MYO7B: variants seen among roughly 807,000 people sequenced by gnomAD.
MYO7B encodes the protein myosin VIIB, also known as unconventional myosin-VIIb.
A neutral mutation model predicts 259.7 loss-of-function variants in MYO7B; 212 were observed. The ratio of observed to expected loss-of-function variants is 0.82; its 90% CI spans 0.73 to 0.91. The LOEUF (loss-of-function observed/expected upper bound fraction) is 0.91. MYO7B is among the 40% of genes least tolerant of loss of function. MYO7B has a pLI of 0.00. For missense variants in MYO7B, 2,732 were observed against 2,813.5 expected (o/e 0.97, Z 0.66); for synonymous variants, 1,197 against 1,166.4 (o/e 1.03, Z -0.54).
chr2:127,617,791 C>T (rs1018326675), intron 26 of MYO7B, among the ~76,000 whole-genome samples: 4 of 150,898 alleles, frequency 2.7e-5, no homozygotes, highest in East Asian at 3.9e-4. Context: ...CGTGAGCCAC[C>T]GCGCCCGGCC....
At chr2:127,623,436 G>A in intron 29 of MYO7B, 61 bp downstream of exon 29, 1 of 1,460,768 alleles carries the variant, frequency 6.8e-7, no homozygotes, top group Non-Finnish European at 9.0e-7. Context: ...AGAGCACCCT[G>A]AGGCTCAAGC....
intron 21 of MYO7B, among the ~76,000 whole-genome samples, chr2:127,608,313 A>G (rs1680235834): frequency 6.6e-6 from 1 of 152,186 alleles, no homozygotes. Context: ...TGACTTCGTT[A>G]CTGCAGCCCC....
intron 1 of MYO7B, among the ~76,000 whole-genome samples, chr2:127,558,337 C>CA (rs1677913621): frequency 1.3e-5 from 2 of 152,104 alleles, no homozygotes; most frequent in South Asian, 4.2e-4. Context: ...ATTAAAAAAT[C>CA]AAAAAATAAA....
chr2:127,587,942 C>T (rs918826823), intron 14 of MYO7B, among the ~76,000 whole-genome samples: 1 of 152,144 alleles, frequency 6.6e-6, no homozygotes, highest in South Asian at 2.1e-4. Context: ...TACTTTAATC[C>T]CCTCCTTAAA....
intron 1 of MYO7B, among the ~76,000 whole-genome samples, chr2:127,542,346 C>T (rs1177158423): frequency 6.6e-6 from 1 of 152,208 alleles, no homozygotes; most frequent in Non-Finnish European, 1.5e-5. Flanking sequence ...CTGACAACCC[C>T]AGCACCACTG....
intron 5 of MYO7B, among the ~76,000 whole-genome samples, chr2:127,569,295 T>G (rs553355266): frequency 4.6e-5 from 7 of 151,966 alleles, no homozygotes; most frequent in Admixed American, 3.9e-4. Flanking sequence ...GAAACAAAAT[T>G]GGCCGGGAGT....
At chr2:127,596,993 C>T (rs900057704) in intron 19 of MYO7B, among the ~76,000 whole-genome samples, 78 of 152,336 alleles carry the variant, frequency 5.1e-4, no homozygotes, top group African/African-American at 1.9e-3. Context: ...CTGCCTTGCC[C>T]CACCCTCACC....
chr2:127,570,457 CA>C (rs1356232226), intron 6 of MYO7B, among the ~76,000 whole-genome samples: 1 of 152,214 alleles, frequency 6.6e-6, no homozygotes, highest in Non-Finnish European at 1.5e-5. Context: ...AGCTCTGGAG[CA>C]AACTGCTCCT....
chr2:127,594,960 T>C (rs2104985499), intron 18 of MYO7B, among the ~76,000 whole-genome samples: 1 of 152,308 alleles, frequency 6.6e-6, no homozygotes, highest in South Asian at 2.1e-4. Context: ...TATGCCAGGT[T>C]TTGGTATCAG....
At chr2:127,579,592 T>TTG (rs1679021052) in intron 9 of MYO7B, among the ~76,000 whole-genome samples, 1 of 151,806 alleles carries the variant, frequency 6.6e-6, no homozygotes. Context: ...GTTTGTTTGT[T>TTG]TGTTTGTTTT....
Position 127,637,372 on chromosome 2 carries a change from G to A in MYO7B, c.6384G>A (p.Met2128Ile), listed in dbSNP as rs1451863420. 2 of 1,587,546 alleles carry A rather than the reference G, an allele frequency of 1.3e-6. No homozygotes were observed. The highest frequency in any genetic ancestry group is 1.8e-5 in the Admixed American group (1 of 56,654). Residue 2128 changes from methionine (M) to isoleucine (I), a missense_variant, in exon 48 of 48, where the codon ATG (methionine) becomes ATA (isoleucine). By Grantham distance (10) the Met-to-Ile change is conservative. This residue lies in a region of MYO7B where 821 missense variants were observed against 769.3 expected (regional missense o/e 1.07). Coordinates refer to ENST00000409816, the MANE Select transcript of MYO7B (RefSeq NM_001393586.1). ...ATGTGCAGCAGCTCCTGAGTGCCAT[G>A]AACAAGCAGCGGGGCTCCAAGGCCC... The part of the protein sequence containing the change: ...TSYVQQLLSA[M>I]NKQRGSKAPA...
In MYO7B at chr2:127,586,133, C is replaced by T. The variant is rs1398706642; in HGVS notation, c.1690+1220C>T. ...ATATCTAAGAGTCCAGGGTCAAATA[C>T]AAAGTCATGAAGATTTATCCCTATG... On this transcript the variant is annotated intron_variant, in intron 14 of 47. Coordinates refer to ENST00000409816, the MANE Select transcript of MYO7B (RefSeq NM_001393586.1). The surrounding 1 kb of genome is among the most constrained non-coding windows in gnomAD (Gnocchi z 4.8). Among the ~76,000 whole-genome samples the T allele has an allele frequency of 6.6e-6, 1 of 152,176 alleles. No homozygotes were observed. The highest frequency in any genetic ancestry group is 2.4e-5 in the African/African-American group (1 of 41,432).
intron 16 of MYO7B, among the ~76,000 whole-genome samples, chr2:127,592,052 C>T (rs1482255157): frequency 6.6e-6 from 1 of 152,204 alleles, no homozygotes; most frequent in Non-Finnish European, 1.5e-5. Context: ...CAAGTGCCTG[C>T]GGGGCAGCTT....
intron 30 of MYO7B, 22 bp from the exon 31 acceptor site, chr2:127,625,346 G>T: frequency 6.6e-7 from 1 of 1,505,064 alleles, no homozygotes; most frequent in Non-Finnish European, 8.9e-7. Flanking sequence ...ACTCGCCCCC[G>T]TGGGTGCCCT....
Position 127,635,919 on chromosome 2 carries a change from G to A in MYO7B, c.6006+12G>A. Reference sequence around the variant, plus strand: ...AGGAGTGGAAAAAGGTCCCTGGTCGGGCTGGGGAAGGGTTCTTGTGCTGCT... The same window carrying A: ...AGGAGTGGAAAAAGGTCCCTGGTCGAGCTGGGGAAGGGTTCTTGTGCTGCT... On this transcript the variant is annotated intron_variant, in intron 44 of 47. Transcript: ENST00000409816. 1 of 1,558,042 alleles carries A rather than the reference G, an allele frequency of 6.4e-7. No individual in the cohort carries two copies. Among genetic ancestry groups the A allele is most frequent in the Non-Finnish European group, 8.7e-7 (1 of 1,151,072 alleles).
intron 36 of MYO7B, 25 bp from the exon 37 acceptor site, chr2:127,631,181 C>G (rs544081187): frequency 6.4e-7 from 1 of 1,573,452 alleles, no homozygotes; most frequent in African/African-American, 1.3e-5. Context: ...CAGGGCAGGC[C>G]TCACACCAGC....
chr2:127,590,115 C>T lies in MYO7B; in HGVS notation c.1878C>T (p.Pro626=). The change falls in exon 16 of 48, where the codon CCC becomes CCT. Residue 626 remains proline, a synonymous_variant. Coordinates refer to ENST00000409816, the MANE Select transcript of MYO7B (RefSeq NM_001393586.1). This position sits in a 1 kb window ranked among gnomAD's most constrained non-coding sequence, Gnocchi z 4.6. The part of the protein sequence containing the change: ...LFKSADSNKR[P]STLGSQFKQS... ...AGTCTGCAGACTCAAATAAACGGCC[C>T]TCCACCTTAGGAAGCCAGTTCAAAC... 6.3e-7 allele frequency: 1 copy of T among 1,595,334 alleles called. No homozygotes were observed. Among genetic ancestry groups the T allele is most frequent in the Non-Finnish European group, 8.5e-7 (1 of 1,171,394 alleles).
At chr2:127,587,457 C>T (rs1679346713) in intron 14 of MYO7B, among the ~76,000 whole-genome samples, 2 of 152,154 alleles carry the variant, frequency 1.3e-5, no homozygotes, top group African/African-American at 2.4e-5. Flanking sequence ...TTGATCCCTT[C>T]TGAGGCCTCT....
chr2:127,537,813 A>G (rs1692848949), intron 1 of MYO7B, among the ~76,000 whole-genome samples: 1 of 152,206 alleles, frequency 6.6e-6, no homozygotes, highest in South Asian at 2.1e-4. Context: ...GGGTTTTTCC[A>G]TCTCCTGCAC....
Sources: gnomAD v4.1 joint callset for allele counts (sites outside exome capture counted in the v4.1 genomes callset) on GRCh38, gnomAD v4.1.1 for gene constraint, gnomAD v4.1.1 regional missense constraint, Gnocchi (gnomAD v3.1) non-coding constraint, MANE v1.5 for transcripts, NCBI Gene and HGNC (gene_info 2026-07-23, HGNC 2026-07-21) for gene names.